COL6A6: variants seen among roughly 807,000 people sequenced by gnomAD.
The protein encoded by COL6A6 is collagen type VI alpha 6 chain, also known as collagen alpha-6(VI) chain.
In COL6A6, 183 loss-of-function variants were observed where a neutral mutation model predicts 208.6. That is an observed-to-expected ratio of 0.88 (90% confidence interval 0.78 to 0.99). COL6A6 has a LOEUF of 0.99. Ranked by LOEUF, COL6A6 falls within the 50% of genes least tolerant of loss-of-function variation. The pLI is 0.00. For missense variants in COL6A6, 2,816 were observed against 2,815.2 expected (o/e 1.00, Z -0.01); for synonymous variants, 973 against 1,011.8 (o/e 0.96, Z 0.73).
intron 35 of COL6A6, among the ~76,000 whole-genome samples, chr3:130,664,444 A>G (rs1269511119): frequency 1.3e-5 from 2 of 152,218 alleles, no homozygotes; most frequent in African/African-American, 4.8e-5. Context: ...GAAATAGATA[A>G]TACATTTTTA....
intron 8 of COL6A6, among the ~76,000 whole-genome samples, chr3:130,576,131 TCA>T (rs1034173925): frequency 1.3e-5 from 2 of 152,170 alleles, no homozygotes; most frequent in African/African-American, 2.4e-5. Flanking sequence ...AAACTGGGAA[TCA>T]CAGCCCTCCA....
chr3:130,591,675 G>A (rs902588965), intron 13 of COL6A6, among the ~76,000 whole-genome samples: 1 of 152,120 alleles, frequency 6.6e-6, no homozygotes. Flanking sequence ...GGAAAAATAT[G>A]GTTTCTACCT....
chr3:130,667,857 C>T (rs953141875), intron 36 of COL6A6, among the ~76,000 whole-genome samples: 15 of 150,868 alleles, frequency 9.9e-5, no homozygotes, highest in African/African-American at 2.2e-4. Context: ...TCATTTGGGC[C>T]GGGGATTAGG....
chr3:130,616,935 T>C (rs901430824), intron 23 of COL6A6, among the ~76,000 whole-genome samples: 2 of 152,170 alleles, frequency 1.3e-5, no homozygotes, highest in African/African-American at 4.8e-5. Context: ...TTAAACCATT[T>C]AATGTATGTA....
intron 1 of COL6A6, among the ~76,000 whole-genome samples, chr3:130,541,944 C>T (rs1276206030): frequency 6.6e-6 from 1 of 152,170 alleles, no homozygotes; most frequent in African/African-American, 2.4e-5. Flanking sequence ...AATCTGCAGG[C>T]ATAGAGTTCT....
chr3:130,524,480 C>T (rs2061915505), intron 1 of COL6A6, among the ~76,000 whole-genome samples: 1 of 152,134 alleles, frequency 6.6e-6, no homozygotes, highest in Non-Finnish European at 1.5e-5. Context: ...AGTCAGTATA[C>T]TCAGAAAAAT....
chr3:130,551,832 T>C (rs1440722222), intron 1 of COL6A6, among the ~76,000 whole-genome samples: 1 of 152,196 alleles, frequency 6.6e-6, no homozygotes, highest in Non-Finnish European at 1.5e-5. Flanking sequence ...GCTTTAGCTG[T>C]ATCCCAGAGA....
chr3:130,641,691 G>A lies in COL6A6; in HGVS notation c.5131G>A (p.Glu1711Lys). Residue 1711 changes from glutamate (E) to lysine (K), a missense_variant, in exon 29 of 37, where the codon GAA becomes AAA. Physicochemically the swap from Glu to Lys is moderately conservative, Grantham distance 56. Transcript: ENST00000358511. ...TCCAGGAGAGATGGGATCCCCTGGGGAACCAGGACCTCCTGGACGTAAGGT... is the reference window on the plus strand; with the variant it reads ...TCCAGGAGAGATGGGATCCCCTGGGAAACCAGGACCTCCTGGACGTAAGGT... ...GLPGEMGSPG[E>K]PGPPGRKGVK... 2 of 1,599,104 alleles carry A rather than the reference G, an allele frequency of 1.3e-6. No homozygotes were observed. The highest frequency in any genetic ancestry group is 1.7e-6 in the Non-Finnish European group (2 of 1,168,090).
At chr3:130,656,909 CAG>C (rs2065805554) in intron 33 of COL6A6, among the ~76,000 whole-genome samples, 1 of 152,242 alleles carries the variant, frequency 6.6e-6, no homozygotes, top group African/African-American at 2.4e-5. Flanking sequence ...GCTCCAAGAT[CAG>C]AGCAGGTGCT....
In COL6A6 at chr3:130,567,183, GA is replaced by G. The variant is rs1184821717; in HGVS notation, c.1765del (p.Arg589GlufsTer11). The G allele has an allele frequency of 3.1e-6, 5 of 1,613,494 alleles. No individual in the cohort carries two copies. In the African/African-American group the frequency reaches 6.7e-5, roughly 22 times the overall value. On this transcript the variant is annotated frameshift_variant, in exon 5 of 37. Coordinates refer to ENST00000358511, the MANE Select transcript of COL6A6 (RefSeq NM_001102608.3). LOFTEE classifies it high-confidence loss of function. ...TGAGAGAAATTGCAGGAGAGGAAAA[GA>G]GAGTGTATTACGTGCATGACTTTGA... ...QLREIAGEEK[R>X]VYYVHDFDAL...
In COL6A6 at chr3:130,665,027, T is replaced by A; in HGVS notation, c.6527T>A (p.Ile2176Lys). The change falls in exon 36 of 37, where the codon ATA becomes AAA. Residue 2176 changes from isoleucine (I) to lysine (K), a missense_variant. Physicochemically the swap from Ile to Lys is moderately radical, Grantham distance 102. Transcript: ENST00000358511. The stretch of plus-strand genomic sequence containing the variant: ...GGTGCAATCAACAAATATCCACCAA[T>A]AAACTTAAAAATAAAGTGCAACAGA... ...IRRAINKYPP[I>K]NLKIKCNRLN... The A allele has an allele frequency of 8.1e-6, 13 of 1,606,914 alleles. No homozygotes were observed. Among genetic ancestry groups the A allele is most frequent in the Non-Finnish European group, 1.1e-5 (13 of 1,176,310 alleles).
intron 19 of COL6A6, among the ~76,000 whole-genome samples, chr3:130,598,929 T>C (rs546823975): frequency 6.6e-6 from 1 of 152,332 alleles, no homozygotes; most frequent in African/African-American, 2.4e-5. Context: ...TATTTAAAAA[T>C]AGTTGTCTAA....
At chr3:130,553,656 CAGCCAGTTT>C (rs1300778615) in intron 1 of COL6A6, among the ~76,000 whole-genome samples, 4 of 151,026 alleles carry the variant, frequency 2.6e-5, no homozygotes, top group African/African-American at 9.7e-5. Context: ...TCTGCCATTT[CAGCCAGTTT>C]CAATCTGGGT....
intron 29 of COL6A6, 84 bp from the exon 30 acceptor site, chr3:130,642,748 C>A: frequency 7.9e-7 from 1 of 1,260,034 alleles, no homozygotes; most frequent in Non-Finnish European, 1.1e-6. Context: ...AAAGTTATCA[C>A]TTTCTGAGGG....
At chr3:130,625,156 A>G (rs1185279200) in intron 24 of COL6A6, among the ~76,000 whole-genome samples, 2 of 152,216 alleles carry the variant, frequency 1.3e-5, no homozygotes, top group African/African-American at 4.8e-5. Flanking sequence ...TGTGGTCCCC[A>G]CAGCACACTT....
At chr3:130,671,917 A>G (rs2066227302) in intron 36 of COL6A6, among the ~76,000 whole-genome samples, 1 of 152,248 alleles carries the variant, frequency 6.6e-6, no homozygotes, top group South Asian at 2.1e-4. Context: ...TCATCCAGCC[A>G]GGGAAGAACC....
Position 130,675,283 on chromosome 3 carries a change from T to C in COL6A6, c.6678T>C (p.Leu2226=). The part of the protein sequence containing the change: ...KAKFFQDKKY[L]SRVARSGRDD... Reference sequence around the variant, plus strand: ...AATTCTTTCAAGATAAAAAATATCTTTCAAGAGTAGCAAGAAGTGGCAGAG... The same window carrying C: ...AATTCTTTCAAGATAAAAAATATCTCTCAAGAGTAGCAAGAAGTGGCAGAG... The change falls in exon 37 of 37, where the codon CTT becomes CTC. Residue 2226 remains leucine, a synonymous_variant. Coordinates refer to ENST00000358511, the MANE Select transcript of COL6A6 (RefSeq NM_001102608.3). The C allele has an allele frequency of 6.3e-7, 1 of 1,587,390 alleles. No homozygotes were observed. Among genetic ancestry groups the C allele is most frequent in the Non-Finnish European group, 8.6e-7 (1 of 1,165,550 alleles).
chr3:130,560,301 C>T, intron 1 of COL6A6, 33 bp from the exon 2 acceptor site: 1 of 1,334,268 alleles, frequency 7.5e-7, no homozygotes, highest in South Asian at 1.3e-5. Flanking sequence ...AAATAATATC[C>T]ACAACAATTT....
intron 5 of COL6A6, among the ~76,000 whole-genome samples, chr3:130,567,646 A>C (rs1042195227): frequency 6.5e-4 from 99 of 152,302 alleles, no homozygotes; most frequent in African/African-American, 2.4e-3. Flanking sequence ...TCCTGTTTTC[A>C]ACCAGGAGTG....
Sources: allele counts gnomAD v4.1 joint callset (sites outside exome capture counted in the v4.1 genomes callset), GRCh38; gene constraint gnomAD v4.1.1; transcripts MANE v1.5; gene names NCBI Gene and HGNC (gene_info 2026-07-23, HGNC 2026-07-21).